The following LCN15 variants were observed in gnomAD, a reference collection of about 807,000 sequenced individuals.
LCN15 encodes lipocalin 15, also known as lipocalin-15.
A neutral mutation model predicts 23.1 loss-of-function variants in LCN15; 26 were observed. The observed-to-expected ratio is 1.13, with a 90% CI of 0.82 to 1.56. The LOEUF is 1.56. LCN15 is among the 40% of genes most tolerant of loss of function. The pLI is 0.00. For missense variants in LCN15, 241 were observed against 239.5 expected (o/e 1.01, Z -0.04); for synonymous variants, 107 against 98.3 (o/e 1.09, Z -0.52).
rs776713829 is a variant in LCN15, at chr9:136,763,458, T to A, written c.317A>T (p.Tyr106Phe). The part of the protein sequence containing the change: ...EGHFRVPALG[Y>F]LDVRIVDTDY... Reference sequence around the variant, plus strand: ...TGTGTCCACGATGCGCACGTCCAGGTAGCCCAAGGCTGCGGAGAGGCAGGC... The same window carrying A: ...TGTGTCCACGATGCGCACGTCCAGGAAGCCCAAGGCTGCGGAGAGGCAGGC... The change falls in exon 4 of 7, where the codon TAC becomes TTC. Residue 106 changes from tyrosine to phenylalanine, a missense_variant. Tyr to Phe is a conservative substitution (Grantham distance 22). Coordinates refer to ENST00000316144, the MANE Select transcript of LCN15 (RefSeq NM_203347.2). 3.8e-5 allele frequency: 61 copies of A among 1,605,628 alleles called. No homozygotes were observed. Among genetic ancestry groups the A allele is most frequent in the Non-Finnish European group, 4.1e-5 (48 of 1,176,434 alleles).
At chr9:136,762,535 C>A (rs1481050684) in intron 4 of LCN15, among the ~76,000 whole-genome samples, 1 of 152,146 alleles carries the variant, frequency 6.6e-6, no homozygotes, top group Non-Finnish European at 1.5e-5. Context: ...ACCCCTTGAG[C>A]CTCTTTCCCT....
intron 4 of LCN15, 92 bp from the exon 5 acceptor site, chr9:136,762,381 A>G (rs1847329826): frequency 1.3e-6 from 1 of 755,448 alleles, no homozygotes; most frequent in Non-Finnish European, 2.3e-6. Flanking sequence ...GAGGGCTGAC[A>G]GCAAGGCCGC....
chr9:136,762,760 A>G (rs1293881300), intron 4 of LCN15, among the ~76,000 whole-genome samples: 1 of 151,966 alleles, frequency 6.6e-6, no homozygotes, highest in Non-Finnish European at 1.5e-5. Flanking sequence ...AATTATTTAT[A>G]TTTTTACAAA....
At position 136,761,965 on chromosome 9, in the gene LCN15, G is replaced by T; in HGVS notation, c.521-112C>A. On this transcript the variant is annotated intron_variant, in intron 5 of 6. Transcript: ENST00000316144. This position sits in a 1 kb window ranked among gnomAD's most constrained non-coding sequence, Gnocchi z 4.2. ...ACTGGACAGCTCCACCATCCCCAGAGAGTGGAGCCCAGAGCTTCCCTCCCA... is the reference window on the plus strand; with the variant it reads ...ACTGGACAGCTCCACCATCCCCAGATAGTGGAGCCCAGAGCTTCCCTCCCA... 2 of 911,452 alleles carry T rather than the reference G, an allele frequency of 2.2e-6. No individual in the cohort carries two copies. The highest frequency in any genetic ancestry group is 3.1e-6 in the Non-Finnish European group (2 of 647,584). 56.5% of individuals were successfully genotyped at this position (911,452 alleles called of 1,614,324 possible). A position where few individuals can be genotyped will look rare whatever the true frequency, so the allele number is the denominator to read the frequency against.
Position 136,761,867 on chromosome 9 carries a change from G to A in LCN15, c.521-14C>T, listed in dbSNP as rs113962430. ...GGTTGCATGCATCTGTGGGGAGGAA[G>A]ACATCCGTGAGATGCTGACGGCCAG... On this transcript the variant is annotated splice_polypyrimidine_tract_variant and intron_variant, in intron 5 of 6. Transcript: ENST00000316144. This position sits in a 1 kb window ranked among gnomAD's most constrained non-coding sequence, Gnocchi z 4.2. The A allele has an allele frequency of 0.013, 17,735 of 1,333,666 alleles. 216 individuals are homozygous for A. Among genetic ancestry groups the A allele is most frequent in the Non-Finnish European group, 0.013 (13,285 of 1,041,014 alleles). 82.6% of individuals were successfully genotyped at this position (1,333,666 alleles called of 1,614,324 possible).
chr9:136,762,913 A>ACAGCCTGG (rs1847335426), intron 4 of LCN15, among the ~76,000 whole-genome samples: 1 of 95,702 alleles, frequency 1.0e-5, no homozygotes, highest in Non-Finnish European at 2.1e-5. Context: ...ACAGAGTGAG[A>ACAGCCTGG]CTCCATATTA....
Position 136,761,454 on chromosome 9 carries a change from T to C in LCN15, c.*32+333A>G, listed in dbSNP as rs1479945283. Among the ~76,000 whole-genome samples, 4 of 151,988 alleles carry C rather than the reference T, an allele frequency of 2.6e-5. No homozygotes were observed. The highest frequency in any genetic ancestry group is 9.7e-5 in the African/African-American group (4 of 41,374). On this transcript the variant is annotated intron_variant, in intron 6 of 6. Transcript: ENST00000316144. The surrounding 1 kb of genome is among the most constrained non-coding windows in gnomAD (Gnocchi z 4.2). ...TTTTGTATTTTTAGTAGAGACGGGG[T>C]TTCTCCATGTTGGTCAGGCTGGTCT...
chr9:136,764,455 G>C lies in LCN15; in HGVS notation c.34C>G (p.Leu12Val), dbSNP rs146446269. The change falls in exon 1 of 7, where the codon CTG becomes GTG. Residue 12 changes from leucine to valine, a missense_variant. Coordinates refer to ENST00000316144, the MANE Select transcript of LCN15 (RefSeq NM_203347.2). ...GCCTGAGCCGTGGGCGCCCAGAGCA[G>C]GGTCAGGATTGCGCCGAGCAGGAAT... The part of the protein sequence containing the change: ...MSFLLGAILT[L>V]LWAPTAQAEV... The C allele has an allele frequency of 6.2e-7, 1 of 1,612,716 alleles. No individual in the cohort carries two copies.
At chr9:136,760,608 G>A (rs746847962) in intron 6 of LCN15, among the ~76,000 whole-genome samples, 23 of 152,222 alleles carry the variant, frequency 1.5e-4, no homozygotes, top group Non-Finnish European at 3.2e-4. Flanking sequence ...GGTGAGCCCC[G>A]GCGAGGGACC....
chr9:136,762,155 G>A (rs750179693), intron 5 of LCN15, 33 bp downstream of exon 5: 1 of 1,314,628 alleles, frequency 7.6e-7, no homozygotes, highest in South Asian at 1.3e-5. Flanking sequence ...GAGAGGCTGG[G>A]GGGCATGGGG....
Position 136,761,887 on chromosome 9 carries a change from G to A in LCN15, c.521-34C>T, listed in dbSNP as rs199858903. 173 of 1,327,826 alleles carry A rather than the reference G, an allele frequency of 1.3e-4. No individual in the cohort carries two copies. Among genetic ancestry groups the A allele is most frequent in the Middle Eastern group, 2.3e-4 (1 of 4,442 alleles). The allele number at this position is 1,327,826 out of a possible 1,614,324, so 82.3% of individuals were successfully genotyped here. On this transcript the variant is annotated intron_variant, in intron 5 of 6. Coordinates refer to ENST00000316144, the MANE Select transcript of LCN15 (RefSeq NM_203347.2). The surrounding 1 kb of genome is among the most constrained non-coding windows in gnomAD (Gnocchi z 4.2). ...AGGAAGACATCCGTGAGATGCTGAC[G>A]GCCAGGACCGCCCTCGCTTCCCGCA...
At position 136,762,261 on chromosome 9, in the gene LCN15, A is replaced by T. The variant is rs373957992; in HGVS notation, c.447T>A (p.Ala149=). 2.2e-4 allele frequency: 358 copies of T among 1,594,474 alleles called. 1 individual carries two copies. The South Asian group carries it at 2.7e-3, about 12-fold the overall frequency. The change falls in exon 5 of 7, where the codon GCT becomes GCA. Residue 149 remains alanine (A), a synonymous_variant. Transcript: ENST00000316144. ...YSRTQDVSPQ[A]LKSFQDFYPT... Reference sequence around the variant, plus strand: ...GGTAGAAGTCCTGGAAGGACTTCAGAGCCTGGGGACTCACATCCTGGGTCC... The same window carrying T: ...GGTAGAAGTCCTGGAAGGACTTCAGTGCCTGGGGACTCACATCCTGGGTCC...
chr9:136,761,549 C>T lies in LCN15; in HGVS notation c.*32+238G>A, dbSNP rs1306160086. Among the ~76,000 whole-genome samples the T allele has an allele frequency of 2.0e-5, 3 of 152,250 alleles. No individual in the cohort carries two copies. The highest frequency in any genetic ancestry group is 4.4e-5 in the Non-Finnish European group (3 of 68,042). On this transcript the variant is annotated intron_variant, in intron 6 of 6. Transcript: ENST00000316144. The surrounding 1 kb of genome is among the most constrained non-coding windows in gnomAD (Gnocchi z 4.2). ...GTGCTGGGATGATAGGCATGAGCCACTGCACCCGGCCAAACTTCTGCTGTT... is the reference window on the plus strand; with the variant it reads ...GTGCTGGGATGATAGGCATGAGCCATTGCACCCGGCCAAACTTCTGCTGTT...
At chr9:136,762,916 C>CTGGCCTGATG (rs1847335531) in intron 4 of LCN15, among the ~76,000 whole-genome samples, 1 of 81,254 alleles carries the variant, frequency 1.2e-5, no homozygotes, top group Non-Finnish European at 2.5e-5. Flanking sequence ...GAGTGAGACT[C>CTGGCCTGATG]CATATTAAAA....
At chr9:136,762,365 C>T in intron 4 of LCN15, 76 bp from the exon 5 acceptor site, 1 of 843,090 alleles carries the variant, frequency 1.2e-6, no homozygotes, top group Non-Finnish European at 1.9e-6. Flanking sequence ...CTCACTCCAC[C>T]AGCCTGAGGG....
At chr9:136,764,039 G>A (rs1409068011) in intron 1 of LCN15, 30 bp from the exon 2 acceptor site, 1 of 1,605,828 alleles carries the variant, frequency 6.2e-7, no homozygotes, top group Non-Finnish European at 8.5e-7. Flanking sequence ...CCGCAGGCCA[G>A]GACAGCCAGC....
chr9:136,762,028 G>A lies in LCN15; in HGVS notation c.520+160C>T, dbSNP rs7032374. 8.6e-3 allele frequency among the ~76,000 whole-genome samples: 1,303 copies of A among 152,316 alleles called. 19 individuals are homozygous for A. Among genetic ancestry groups the A allele is most frequent in the African/African-American group, 0.03 (1,227 of 41,564 alleles). ...GCCTCTCCCGTAGTCTGTTCTGGGG[G>A]AGGTGGGGTAGGGGCTGCAGGGGCT... is the stretch of plus-strand genomic sequence containing the variant. On this transcript the variant is annotated intron_variant, in intron 5 of 6. Coordinates refer to ENST00000316144, the MANE Select transcript of LCN15 (RefSeq NM_203347.2).
In LCN15 at chr9:136,761,748, G is replaced by A. The variant is rs1256114574; in HGVS notation, c.*32+39C>T. ...GTCAAGCTGCGATAGGGAGGGGAGA[G>A]GCAACCAGGGCATCCCCTGCAGGGC... On this transcript the variant is annotated intron_variant, in intron 6 of 6. Transcript: ENST00000316144. This position sits in a 1 kb window ranked among gnomAD's most constrained non-coding sequence, Gnocchi z 4.2. 26 of 1,057,130 alleles carry A rather than the reference G, an allele frequency of 2.5e-5. No individual in the cohort carries two copies. The highest frequency in any genetic ancestry group is 3.2e-5 in the Non-Finnish European group (26 of 822,054). The allele number at this position is 1,057,130 out of a possible 1,614,324, so 65.5% of individuals were successfully genotyped here.
rs756613477 is a variant in LCN15 at position 136,764,439 on chromosome 9, G to A, written c.50C>T (p.Thr17Met). ...GAILTLLWAP[T>M]AQAEVLLQPD... ...CTGCAGCAGAACCTCAGCCTGAGCCGTGGGCGCCCAGAGCAGGGTCAGGAT... is the reference window on the plus strand; with the variant it reads ...CTGCAGCAGAACCTCAGCCTGAGCCATGGGCGCCCAGAGCAGGGTCAGGAT... The change falls in exon 1 of 7, where the codon ACG becomes ATG. Residue 17 changes from threonine (T) to methionine (M), a missense_variant. By Grantham distance (81) the Thr-to-Met change is moderately conservative. Coordinates refer to ENST00000316144, the MANE Select transcript of LCN15 (RefSeq NM_203347.2). The A allele has an allele frequency of 2.5e-5, 41 of 1,613,166 alleles. No homozygotes were observed. The highest frequency in any genetic ancestry group is 3.0e-5 in the Non-Finnish European group (35 of 1,179,804).
Sources: gnomAD v4.1 joint callset for allele counts (sites outside exome capture counted in the v4.1 genomes callset) on GRCh38, gnomAD v4.1.1 for gene constraint, Gnocchi (gnomAD v3.1) non-coding constraint, MANE v1.5 for transcripts, NCBI Gene and HGNC (gene_info 2026-07-23, HGNC 2026-07-21) for gene names.